Variants in TECTA observed in about 807,000 individuals in gnomAD.
TECTA encodes the protein alpha-tectorin.
TECTA carries 128 observed loss-of-function variants against 216.8 expected under a neutral mutation model. The ratio of observed to expected loss-of-function variants is 0.59; its 90% CI spans 0.51 to 0.68. The LOEUF (loss-of-function observed/expected upper bound fraction) is 0.68, where lower values mean the gene tolerates loss of function less well. Among genes scored for constraint, TECTA ranks in the 30% least tolerant of loss-of-function variants. The pLI is 0.00. For missense variants in TECTA, 2,551 were observed against 2,786.2 expected, an observed-to-expected ratio of 0.92 and a Z score of 1.90; for synonymous variants, 1,089 against 1,117.1, an observed-to-expected ratio of 0.97 and a Z score of 0.50.
rs139261614 is a variant in TECTA at position 121,153,173 on chromosome 11, T to C, written c.4305+93T>C. 804 of 1,450,054 alleles carry C rather than the reference T, an allele frequency of 5.5e-4. 4 individuals carry two copies. The African/African-American group carries it at 0.01, about 18-fold the overall frequency. The allele number at this position is 1,450,054 out of a possible 1,614,324, so 89.8% of individuals were successfully genotyped here. The stretch of plus-strand genomic sequence containing the variant: ...TGGTCAGATTGACCAATTTTCCCAC[T>C]TCATTATGAAGAGCGTCGTGTTCGT... On this transcript the variant is annotated intron_variant, in intron 13 of 23. Transcript: ENST00000392793.
chr11:121,137,790 G>T lies in TECTA; in HGVS notation c.3311G>T (p.Gly1104Val), dbSNP rs1231103416. ...ACCGACGCCTCCTGCATCGTCTCAG[G>T]CTACGGCCACTACCTCACCTTTGAT... ...ARTDASCIVS[G>V]YGHYLTFDGF... The change falls in exon 11 of 24, where the codon GGC becomes GTC. Residue 1104 changes from glycine (G) to valine (V), a missense_variant. Gly to Val is a moderately radical substitution (Grantham distance 109). This residue lies in a region of TECTA where 2,375 missense variants were observed against 2,563.9 expected (regional missense o/e 0.93). Transcript: ENST00000392793. 2 of 1,614,064 alleles carry T rather than the reference G, an allele frequency of 1.2e-6. No homozygotes were observed. The highest frequency in any genetic ancestry group is 3.3e-5 in the Admixed American group (2 of 60,028).
rs142657158 is a variant in TECTA, at chr11:121,162,258, C to T, written c.5160C>T (p.Asp1720=). Residue 1720 remains aspartate (D), a synonymous_variant, in exon 16 of 24, where the codon GAC becomes GAT. Transcript: ENST00000392793. The part of the protein sequence containing the change: ...PLPFYESCYL[D]GCYSHKKFQL... ...CATTCTACGAGTCCTGCTACCTGGA[C>T]GGCTGCTACAGCCACAAGAAGTTCC... is the stretch of plus-strand genomic sequence containing the variant. 524 of 1,614,066 alleles carry T rather than the reference C, an allele frequency of 3.2e-4. 1 individual carries two copies. In the African/African-American group the frequency reaches 4.8e-3, roughly 15 times the overall value.
At chr11:121,164,041 C>G (rs1565534870) in intron 16 of TECTA, among the ~76,000 whole-genome samples, 1 of 152,224 alleles carries the variant, frequency 6.6e-6, no homozygotes, top group African/African-American at 2.4e-5. Context: ...CATCCATGCA[C>G]TCCCACGTAA....
chr11:121,138,723 G>A (rs888995824), intron 11 of TECTA, among the ~76,000 whole-genome samples: 3 of 152,184 alleles, frequency 2.0e-5, no homozygotes, highest in African/African-American at 7.2e-5. Flanking sequence ...TGCACTCCTC[G>A]TCTGGCCTGC....
intron 20 of TECTA, among the ~76,000 whole-genome samples, chr11:121,180,893 C>A (rs1211702210): frequency 6.7e-6 from 1 of 148,708 alleles, no homozygotes; most frequent in Non-Finnish European, 1.5e-5. Flanking sequence ...TCTGGCCAGG[C>A]ACAGTGGCTC....
At chr11:121,178,540 G>GTGTGTT (rs1947193530) in intron 20 of TECTA, among the ~76,000 whole-genome samples, 1 of 151,168 alleles carries the variant, frequency 6.6e-6, no homozygotes, top group Admixed American at 6.6e-5. Flanking sequence ...GTGTGTGTGT[G>GTGTGTT]TGTGTGTGTG....
rs567416823 is a variant in TECTA, at chr11:121,190,271, C to G, written c.6367+391C>G. Among the ~76,000 whole-genome samples, 17 of 152,256 alleles carry G rather than the reference C, an allele frequency of 1.1e-4. No homozygotes were observed. In the East Asian group the frequency reaches 3.3e-3, roughly 29 times the overall value. On this transcript the variant is annotated intron_variant, in intron 23 of 23. Transcript: ENST00000392793. ...GACCTCTTACAAGGTTGGCAGGACT[C>G]TCTTCCTTTTTGAGATGGAGTCTCG...
intron 20 of TECTA, among the ~76,000 whole-genome samples, chr11:121,187,106 G>T (rs764590466): frequency 1.3e-5 from 2 of 152,244 alleles, no homozygotes; most frequent in African/African-American, 2.4e-5. Context: ...TGGTGTTGGA[G>T]AAAGGGCAGG....
At position 121,139,077 on chromosome 11, in the gene TECTA, G is replaced by A. The variant is rs189964803; in HGVS notation, c.3543+1055G>A. 2.8e-3 allele frequency among the ~76,000 whole-genome samples: 426 copies of A among 152,250 alleles called. 5 individuals carry two copies. The highest frequency in any genetic ancestry group is 2.0e-3 in the Non-Finnish European group (134 of 68,000). On this transcript the variant is annotated intron_variant, in intron 11 of 23. Transcript: ENST00000392793. ...TTCTCTGACAAAGAGAGATTCCCAA[G>A]CCTCTTGAATTATCTTTCATGTTTA...
Position 121,125,133 on chromosome 11 carries a change from C to T in TECTA, c.1204-169C>T, listed in dbSNP as rs560919. Among the ~76,000 whole-genome samples the T allele has an allele frequency of 0.74, 111,911 of 152,160 alleles. 41,708 individuals carry two copies. The highest frequency in any genetic ancestry group is 0.86 in the African/African-American group (35,900 of 41,536). On this transcript the variant is annotated intron_variant, in intron 7 of 23. Transcript: ENST00000392793. ...GGCCCACAAGCAGCTCTCTCCATTT[C>T]CCCCCCGGCCTTTGCCTTAATCAGA...
At chr11:121,115,160 C>T (rs1946489356) in intron 6 of TECTA, among the ~76,000 whole-genome samples, 1 of 149,232 alleles carries the variant, frequency 6.7e-6, no homozygotes, top group African/African-American at 2.5e-5. Context: ...CACCCATTCA[C>T]CCACCCATCC....
intron 10 of TECTA, among the ~76,000 whole-genome samples, chr11:121,136,294 G>A (rs569152756): frequency 1.3e-5 from 2 of 152,238 alleles, no homozygotes; most frequent in Admixed American, 1.3e-4. Context: ...AGGCTTCTGG[G>A]AAGATGGGCA....
chr11:121,171,964 G>C (rs538199666), intron 20 of TECTA, among the ~76,000 whole-genome samples: 126 of 152,224 alleles, frequency 8.3e-4, no homozygotes, highest in African/African-American at 3.0e-3. Context: ...GGAATGATGA[G>C]AGTGAGCACC....
At chr11:121,134,005 A>G (rs1318703653) in intron 10 of TECTA, among the ~76,000 whole-genome samples, 2 of 151,994 alleles carry the variant, frequency 1.3e-5, no homozygotes, top group African/African-American at 2.4e-5. Context: ...TCTATATTTC[A>G]TCTTCCATGT....
intron 2 of TECTA, among the ~76,000 whole-genome samples, chr11:121,104,826 C>T (rs1019649000): frequency 1.3e-5 from 2 of 151,690 alleles, no homozygotes; most frequent in Admixed American, 6.6e-5. Context: ...ATGGTCTTGC[C>T]CCTGCCCCCG....
At chr11:121,131,904 C>T (rs1946678595) in intron 10 of TECTA, among the ~76,000 whole-genome samples, 1 of 152,198 alleles carries the variant, frequency 6.6e-6, no homozygotes, top group South Asian at 2.1e-4. Flanking sequence ...CTGGAGGCCT[C>T]TGATGTTGGT....
In TECTA at chr11:121,113,406, T is replaced by C. The variant is rs1256243676; in HGVS notation, c.625-147T>C. Reference sequence around the variant, plus strand: ...CTATGAAATGAACTAGGCAGTCCTTTCTCACCTAGAATGCTGGCCCCAGTG... The same window carrying C: ...CTATGAAATGAACTAGGCAGTCCTTCCTCACCTAGAATGCTGGCCCCAGTG... On this transcript the variant is annotated intron_variant, in intron 5 of 23. Coordinates refer to ENST00000392793, the MANE Select transcript of TECTA (RefSeq NM_005422.4). The surrounding 1 kb of genome is among the most constrained non-coding windows in gnomAD (Gnocchi z 4.2). The C allele has an allele frequency of 2.2e-5, 31 of 1,413,646 alleles. No homozygotes were observed. The highest frequency in any genetic ancestry group is 3.1e-5 in the Non-Finnish European group (31 of 1,009,276). The allele number at this position is 1,413,646 out of a possible 1,614,324, so 87.6% of individuals were successfully genotyped here. A position where few individuals can be genotyped will look rare whatever the true frequency, so the allele number is the denominator to read the frequency against.
chr11:121,177,040 A>G (rs924023902), intron 20 of TECTA, among the ~76,000 whole-genome samples: 2 of 151,928 alleles, frequency 1.3e-5, no homozygotes, highest in African/African-American at 4.8e-5. Context: ...TCCTTTACAC[A>G]CTTCTCTGTA....
chr11:121,147,063 G>C (rs1946845099), intron 12 of TECTA, among the ~76,000 whole-genome samples: 1 of 152,026 alleles, frequency 6.6e-6, no homozygotes, highest in East Asian at 1.9e-4. Context: ...TAGCACATAA[G>C]AATAGGAAAA....
Sources: gnomAD v4.1 joint callset for allele counts (sites outside exome capture counted in the v4.1 genomes callset) on GRCh38, gnomAD v4.1.1 for gene constraint, gnomAD v4.1.1 regional missense constraint, Gnocchi (gnomAD v3.1) non-coding constraint, MANE v1.5 for transcripts, NCBI Gene and HGNC (gene_info 2026-07-23, HGNC 2026-07-21) for gene names.